The following CCNF variants were observed in gnomAD, a reference collection of about 807,000 sequenced individuals.
CCNF encodes the protein cyclin-F.
Under a neutral mutation model 85.4 loss-of-function variants are expected in CCNF, and 30 were observed. The ratio of observed to expected loss-of-function variants is 0.35; its 90% CI spans 0.26 to 0.48. The LOEUF is 0.48. Ranked by LOEUF, CCNF falls within the 20% of genes least tolerant of loss-of-function variation. The pLI is 0.99. For missense variants in CCNF, 919 were observed against 1,010.4 expected, an observed-to-expected ratio of 0.91 and a Z score of 1.23; for synonymous variants, 439 against 425.1, an observed-to-expected ratio of 1.03 and a Z score of -0.40.
rs2141818894 is a variant in CCNF, at chr16:2,439,349, C to G, written c.595-4C>G. 2.5e-6 allele frequency: 4 copies of G among 1,596,558 alleles called. No homozygotes were observed. The highest frequency in any genetic ancestry group is 3.4e-6 in the Non-Finnish European group (4 of 1,169,806). ...ACAATGAACTCTGCTGGGATTTATT[C>G]TAGGATGAGGAGAAGCAGCAGCAGG... is the stretch of plus-strand genomic sequence containing the variant. On this transcript the variant is annotated splice_polypyrimidine_tract_variant and splice_region_variant and intron_variant, in intron 6 of 16. Coordinates refer to ENST00000397066, the MANE Select transcript of CCNF (RefSeq NM_001761.3).
rs1048723654 is a variant in CCNF, at chr16:2,452,744, G to A, written c.1488-466G>A. On this transcript the variant is annotated intron_variant, in intron 13 of 16. Coordinates refer to ENST00000397066, the MANE Select transcript of CCNF (RefSeq NM_001761.3). The surrounding 1 kb of genome is among the most constrained non-coding windows in gnomAD (Gnocchi z 4.1). ...GATGACCCCCAGTAGTCTACTTTCT[G>A]TCCATGGATGTTTCCCATTCTGTAC... 2.3e-5 allele frequency: 4 copies of A among 174,400 alleles called. No individual in the cohort carries two copies. Among genetic ancestry groups the A allele is most frequent in the African/African-American group, 4.8e-5 (2 of 41,858 alleles). The allele number at this position is 174,400 out of a possible 1,614,324, so 10.8% of individuals were successfully genotyped here. A position where few individuals can be genotyped will look rare whatever the true frequency, so the allele number is the denominator to read the frequency against.
In CCNF at chr16:2,452,835, C is replaced by T. The variant is rs7194278; in HGVS notation, c.1488-375C>T. ...GTCTAGGTGATTTCCCTCGCGGTAACGTTTGCTGGGTTTGTCCATGTGGTG... is the reference window on the plus strand; with the variant it reads ...GTCTAGGTGATTTCCCTCGCGGTAATGTTTGCTGGGTTTGTCCATGTGGTG... On this transcript the variant is annotated intron_variant, in intron 13 of 16. Transcript: ENST00000397066. The surrounding 1 kb of genome is among the most constrained non-coding windows in gnomAD (Gnocchi z 4.1). 1,914 of 255,632 alleles carry T rather than the reference C, an allele frequency of 7.5e-3. 39 individuals carry two copies. Among genetic ancestry groups the T allele is most frequent in the African/African-American group, 0.04 (1,764 of 44,616 alleles). 15.8% of individuals were successfully genotyped at this position (255,632 alleles called of 1,614,324 possible). A position where few individuals can be genotyped will look rare whatever the true frequency, so the allele number is the denominator to read the frequency against.
chr16:2,441,977 A>ATATG (rs1567385711), intron 8 of CCNF, among the ~76,000 whole-genome samples: 2 of 95,854 alleles, frequency 2.1e-5, no homozygotes, highest in Non-Finnish European at 4.4e-5. Context: ...ATATATATAT[A>ATATG]TATATGTTTT....
At position 2,452,963 on chromosome 16, in the gene CCNF, A is replaced by G. The variant is rs2065403074; in HGVS notation, c.1488-247A>G. ...CTGGTGGACATTTTGCCTATTGTGA[A>G]CAGTCCTGCCATGAACATTCTAGTA... On this transcript the variant is annotated intron_variant, in intron 13 of 16. Coordinates refer to ENST00000397066, the MANE Select transcript of CCNF (RefSeq NM_001761.3). This position sits in a 1 kb window ranked among gnomAD's most constrained non-coding sequence, Gnocchi z 4.1. 10 of 555,010 alleles carry G rather than the reference A, an allele frequency of 1.8e-5. 1 individual carries two copies. The South Asian group carries it at 2.2e-4, about 12-fold the overall frequency. The allele number at this position is 555,010 out of a possible 1,614,324, so 34.4% of individuals were successfully genotyped here.
intron 9 of CCNF, among the ~76,000 whole-genome samples, chr16:2,444,773 T>C (rs549314559): frequency 4.3e-4 from 65 of 152,252 alleles, no homozygotes; most frequent in African/African-American, 1.3e-3. Context: ...ATTGTTGTAT[T>C]TTTAGTAGAG....
intron 12 of CCNF, 49 bp downstream of exon 12, chr16:2,449,511 CAT>C (rs1408828648): frequency 6.4e-7 from 1 of 1,552,954 alleles, no homozygotes; most frequent in Admixed American, 1.7e-5. Flanking sequence ...AAGGTGCTGA[CAT>C]AGGAGGAGGC....
intron 5 of CCNF, chr16:2,437,687 G>A (rs538423296): frequency 9.9e-5 from 31 of 314,700 alleles, no homozygotes; most frequent in Admixed American, 2.3e-4. Context: ...CCAGGTGTTC[G>A]AGACCAGTCT....
intron 1 of CCNF, among the ~76,000 whole-genome samples, chr16:2,429,706 C>G (rs1359662636): frequency 6.6e-6 from 1 of 152,090 alleles, no homozygotes; most frequent in Non-Finnish European, 1.5e-5. Flanking sequence ...GCCCGAGCCC[C>G]TCGGAGCCTT....
intron 6 of CCNF, among the ~76,000 whole-genome samples, chr16:2,438,474 T>C (rs374224977): frequency 6.6e-6 from 1 of 152,004 alleles, no homozygotes; most frequent in Non-Finnish European, 1.5e-5. Context: ...ACCACGTCTT[T>C]ACTAAAAAAC....
chr16:2,455,024 C>T (rs2065417812), intron 15 of CCNF, among the ~76,000 whole-genome samples: 1 of 145,160 alleles, frequency 6.9e-6, no homozygotes. Context: ...CACACCACTG[C>T]ACTCTAGCCT....
rs905106820 is a variant in CCNF at position 2,453,715 on chromosome 16, T to C, written c.1715+178T>C. Among the ~76,000 whole-genome samples, 1 of 152,110 alleles carries C rather than the reference T, an allele frequency of 6.6e-6. No individual in the cohort carries two copies. The highest frequency in any genetic ancestry group is 2.4e-5 in the African/African-American group (1 of 41,412). On this transcript the variant is annotated intron_variant, in intron 15 of 16. Coordinates refer to ENST00000397066, the MANE Select transcript of CCNF (RefSeq NM_001761.3). The surrounding 1 kb of genome is among the most constrained non-coding windows in gnomAD (Gnocchi z 5.6). ...TCATGCCTCGGGCCCCTGCGTAACC[T>C]CCACTGTCTCCAGCCCAGGTCTCCT...
chr16:2,429,613 C>T (rs2065252528), intron 1 of CCNF, 116 bp downstream of exon 1: 7 of 1,038,902 alleles, frequency 6.7e-6, no homozygotes, highest in South Asian at 9.6e-5. Flanking sequence ...AGGGCTGGCT[C>T]GAGCTCTTTA....
chr16:2,449,482 A>G lies in CCNF; in HGVS notation c.1399+20A>G, dbSNP rs2065381390. The G allele has an allele frequency of 1.3e-6, 2 of 1,590,260 alleles. No homozygotes were observed. Among genetic ancestry groups the G allele is most frequent in the Non-Finnish European group, 1.7e-6 (2 of 1,172,098 alleles). ...GGCAGAGTAAGGAGTGGCCCTTCCCAGGGATGCCTGTGTCGGGGAAGGTGC... is the reference window on the plus strand; with the variant it reads ...GGCAGAGTAAGGAGTGGCCCTTCCCGGGGATGCCTGTGTCGGGGAAGGTGC... On this transcript the variant is annotated intron_variant, in intron 12 of 16. Coordinates refer to ENST00000397066, the MANE Select transcript of CCNF (RefSeq NM_001761.3).
At chr16:2,442,028 T>C (rs11643922) in intron 8 of CCNF, among the ~76,000 whole-genome samples, 97,551 of 130,456 alleles carry the variant, frequency 0.75, 37,470 homozygotes, top group African/African-American at 0.92. Flanking sequence ...TTGTTTTTGA[T>C]GGAGTCTTGC....
chr16:2,449,964 T>C, intron 13 of CCNF, 49 bp downstream of exon 13: 1 of 1,337,346 alleles, frequency 7.5e-7, no homozygotes, highest in South Asian at 1.2e-5. Context: ...CCCAGCACTT[T>C]GGGAGGCCGA....
rs1340447184 is a variant in CCNF, at chr16:2,451,189, A to G, written c.1487+1274A>G. ...GGAGAGGGCAGGACAGAGAGTTCAGAGGTCAGGTCGTGACGAGAGAAACAG... is the reference window on the plus strand; with the variant it reads ...GGAGAGGGCAGGACAGAGAGTTCAGGGGTCAGGTCGTGACGAGAGAAACAG... On this transcript the variant is annotated intron_variant, in intron 13 of 16. Transcript: ENST00000397066. This position sits in a 1 kb window ranked among gnomAD's most constrained non-coding sequence, Gnocchi z 4.3. Among the ~76,000 whole-genome samples, 1 of 152,202 alleles carries G rather than the reference A, an allele frequency of 6.6e-6. No homozygotes were observed. Among genetic ancestry groups the G allele is most frequent in the Non-Finnish European group, 1.5e-5 (1 of 68,036 alleles).
In CCNF at chr16:2,438,136, G is replaced by A; in HGVS notation, c.594+13G>A. On this transcript the variant is annotated intron_variant, in intron 6 of 16. Coordinates refer to ENST00000397066, the MANE Select transcript of CCNF (RefSeq NM_001761.3). Reference sequence around the variant, plus strand: ...GAGTCTGTTCGAGGTGAGTCAAGTTGTTCTCTGCACTGGGACTTTGTGTTC... The same window carrying A: ...GAGTCTGTTCGAGGTGAGTCAAGTTATTCTCTGCACTGGGACTTTGTGTTC... 2 of 1,590,284 alleles carry A rather than the reference G, an allele frequency of 1.3e-6. No homozygotes were observed. Among genetic ancestry groups the A allele is most frequent in the South Asian group, 1.1e-5 (1 of 90,554 alleles).
rs2141830862 is a variant in CCNF, at chr16:2,453,916, C to T, written c.1715+379C>T. 6.6e-6 allele frequency among the ~76,000 whole-genome samples: 1 copy of T among 152,322 alleles called. No individual in the cohort carries two copies. The highest frequency in any genetic ancestry group is 1.9e-4 in the East Asian group (1 of 5,182). On this transcript the variant is annotated intron_variant, in intron 15 of 16. Coordinates refer to ENST00000397066, the MANE Select transcript of CCNF (RefSeq NM_001761.3). The surrounding 1 kb of genome is among the most constrained non-coding windows in gnomAD (Gnocchi z 5.6). ...GGCACTCGAGCTGTGACCTGAGTCA[C>T]ATCCCCAGCACTTCCCTCGCCACCC... is the stretch of plus-strand genomic sequence containing the variant.
chr16:2,435,870 G>T lies in CCNF; in HGVS notation c.343G>T (p.Gly115Cys). Reference sequence around the variant, plus strand: ...GGGCATAGCCTACCTCTACAATGAAGGCCGTAAGTCCTCACCCCACCTGCA... The same window carrying T: ...GGGCATAGCCTACCTCTACAATGAATGCCGTAAGTCCTCACCCCACCTGCA... ...KLGIAYLYNEGLSVSDEARAE... is the reference protein window; with the variant it reads ...KLGIAYLYNECLSVSDEARAE... Residue 115 changes from glycine (G) to cysteine (C), a missense_variant, in exon 4 of 17, where the codon GGC becomes TGC. By Grantham distance (159) the Gly-to-Cys change is radical. Around this residue, in one of 3 missense-constraint regions of CCNF, gnomAD observed 410 missense variants for 478.6 expected, o/e 0.86. Coordinates refer to ENST00000397066, the MANE Select transcript of CCNF (RefSeq NM_001761.3). 6.2e-7 allele frequency: 1 copy of T among 1,612,630 alleles called. No individual in the cohort carries two copies. The highest frequency in any genetic ancestry group is 8.5e-7 in the Non-Finnish European group (1 of 1,178,858).
Sources: allele counts gnomAD v4.1 joint callset (sites outside exome capture counted in the v4.1 genomes callset), GRCh38; gene constraint gnomAD v4.1.1; regional missense constraint gnomAD v4.1.1; non-coding constraint Gnocchi (gnomAD v3.1); transcripts MANE v1.5; gene names NCBI Gene and HGNC (gene_info 2026-07-23, HGNC 2026-07-21).